DYNC1I1: variants seen among roughly 807,000 people sequenced by gnomAD.
DYNC1I1 encodes cytoplasmic dynein 1 intermediate chain 1.
A neutral mutation model predicts 86.6 loss-of-function variants in DYNC1I1; 43 were observed. The ratio of observed to expected loss-of-function variants is 0.50; its 90% confidence interval spans 0.39 to 0.64. The LOEUF (loss-of-function observed/expected upper bound fraction) is 0.64, where lower values mean the gene tolerates loss of function less well. DYNC1I1 is among the 30% of genes least tolerant of loss of function. DYNC1I1 has a pLI of 0.00. For synonymous variants in DYNC1I1, 262 were observed against 283.7 expected, an observed-to-expected ratio of 0.92 and a Z score of 0.77; for missense variants, 604 against 788.8, an observed-to-expected ratio of 0.77 and a Z score of 2.81.
intron 2 of DYNC1I1, among the ~76,000 whole-genome samples, chr7:95,805,693 A>G (rs1046245942): frequency 3.6e-4 from 55 of 152,322 alleles, no homozygotes; most frequent in African/African-American, 1.3e-3. Context: ...GTGTAGGAAT[A>G]GCCCACATCT....
intron 16 of DYNC1I1, among the ~76,000 whole-genome samples, chr7:96,090,846 A>G (rs1007279416): frequency 1.3e-5 from 2 of 152,166 alleles, no homozygotes; most frequent in Non-Finnish European, 2.9e-5. Context: ...GTGGTAGAAC[A>G]CTGTAGTATA....
At chr7:95,836,821 G>T (rs1789107552) in intron 5 of DYNC1I1, among the ~76,000 whole-genome samples, 1 of 152,044 alleles carries the variant, frequency 6.6e-6, no homozygotes, top group African/African-American at 2.4e-5. Context: ...AGCTCCATCA[G>T]CTCCTTTCAG....
At chr7:95,793,722 G>A (rs1424853479) in intron 1 of DYNC1I1, among the ~76,000 whole-genome samples, 1 of 152,202 alleles carries the variant, frequency 6.6e-6, no homozygotes, top group Non-Finnish European at 1.5e-5. Flanking sequence ...TGGGTTATGA[G>A]CTAATGGTCC....
chr7:96,028,282 T>C lies in DYNC1I1; in HGVS notation c.1077T>C (p.Thr359=). The C allele has an allele frequency of 6.2e-7, 1 of 1,613,776 alleles. No individual in the cohort carries two copies. ...GGGACAATCGCAGTCATCGAAGGAC[T>C]CCAGTGCAGCGGACACCCTTATCAG... is the stretch of plus-strand genomic sequence containing the variant. The part of the protein sequence containing the change: ...VLWDNRSHRR[T]PVQRTPLSAA... Residue 359 remains threonine (T), a synonymous_variant, in exon 11 of 17, where the codon ACT becomes ACC. Transcript: ENST00000447467.
chr7:95,977,453 A>C, intron 6 of DYNC1I1, 59 bp from the exon 7 acceptor site: 1 of 1,553,742 alleles, frequency 6.4e-7, no homozygotes. Context: ...CCCACTATCA[A>C]CCAAAGACTT....
intron 6 of DYNC1I1, among the ~76,000 whole-genome samples, chr7:95,883,410 C>T (rs764357824): frequency 6.6e-6 from 1 of 152,146 alleles, no homozygotes; most frequent in Non-Finnish European, 1.5e-5. Flanking sequence ...GAGCTGCCTC[C>T]AGTTAGTATG....
chr7:96,084,585 G>A (rs42072), intron 16 of DYNC1I1, among the ~76,000 whole-genome samples: 133,663 of 151,780 alleles, frequency 0.88, 59,024 homozygotes, highest in East Asian at 0.98. Context: ...ACAACACCCA[G>A]CAAATTTTTG....
chr7:95,959,192 G>A (rs1487523363), intron 6 of DYNC1I1, among the ~76,000 whole-genome samples: 1 of 152,164 alleles, frequency 6.6e-6, no homozygotes, highest in Non-Finnish European at 1.5e-5. Context: ...AAGGCGTCAT[G>A]TGGGGCTGGG....
At chr7:96,037,302 A>G (rs1794948364) in intron 13 of DYNC1I1, among the ~76,000 whole-genome samples, 1 of 152,228 alleles carries the variant, frequency 6.6e-6, no homozygotes, top group African/African-American at 2.4e-5. Flanking sequence ...TGATAAAGTT[A>G]TTCATTCATA....
intron 6 of DYNC1I1, among the ~76,000 whole-genome samples, chr7:95,944,574 T>G (rs559690992): frequency 1.3e-5 from 2 of 152,096 alleles, no homozygotes; most frequent in East Asian, 1.9e-4. Flanking sequence ...CACATGCACA[T>G]GTATGTTTAT....
chr7:95,977,067 C>T (rs578174587), intron 6 of DYNC1I1, among the ~76,000 whole-genome samples: 1 of 152,184 alleles, frequency 6.6e-6, no homozygotes, highest in Non-Finnish European at 1.5e-5. Flanking sequence ...TGTATTTAAC[C>T]CTTTCCTGTA....
chr7:95,865,796 T>C (rs1246593431), intron 5 of DYNC1I1, among the ~76,000 whole-genome samples: 1 of 152,202 alleles, frequency 6.6e-6, no homozygotes, highest in African/African-American at 2.4e-5. Context: ...CCTAGACGTA[T>C]AGTAGGCCAT....
At chr7:96,035,563 C>T in intron 12 of DYNC1I1, 56 bp from the exon 13 acceptor site, 1 of 1,514,514 alleles carries the variant, frequency 6.6e-7, no homozygotes, top group African/African-American at 1.4e-5. Flanking sequence ...TCCGTGCTAT[C>T]TTTGGCATGG....
At chr7:95,960,356 C>G (rs1302969487) in intron 6 of DYNC1I1, among the ~76,000 whole-genome samples, 1 of 152,132 alleles carries the variant, frequency 6.6e-6, no homozygotes, top group Non-Finnish European at 1.5e-5. Flanking sequence ...ATCCACCTGC[C>G]TCAGCCTCCC....
At chr7:95,885,622 G>A (rs1790573529) in intron 6 of DYNC1I1, among the ~76,000 whole-genome samples, 1 of 152,126 alleles carries the variant, frequency 6.6e-6, no homozygotes, top group Non-Finnish European at 1.5e-5. Context: ...GAGGAAACAG[G>A]TGCATGCCAC....
intron 14 of DYNC1I1, among the ~76,000 whole-genome samples, chr7:96,047,563 AC>A: frequency 6.6e-6 from 1 of 152,284 alleles, no homozygotes; most frequent in East Asian, 1.9e-4. Context: ...CTCAGTGAGA[AC>A]ACTTTTAGTG....
chr7:95,953,470 A>G (rs950708986), intron 6 of DYNC1I1, among the ~76,000 whole-genome samples: 4 of 152,156 alleles, frequency 2.6e-5, no homozygotes, highest in Admixed American at 6.5e-5. Context: ...CCACCTGGTT[A>G]TGGTTAGTTC....
At chr7:95,835,621 G>T (rs1789062563) in intron 5 of DYNC1I1, among the ~76,000 whole-genome samples, 3 of 151,994 alleles carry the variant, frequency 2.0e-5, no homozygotes, top group Admixed American at 2.0e-4. Flanking sequence ...CTCTTTGTAG[G>T]TCACTCAGGA....
intron 16 of DYNC1I1, among the ~76,000 whole-genome samples, chr7:96,107,421 A>G (rs1442554910): frequency 6.6e-6 from 1 of 152,064 alleles, no homozygotes; most frequent in Non-Finnish European, 1.5e-5. Context: ...TTATTATGAA[A>G]TCACCCTCTG....
Sources: gnomAD v4.1 joint callset for allele counts (sites outside exome capture counted in the v4.1 genomes callset) on GRCh38, gnomAD v4.1.1 for gene constraint, MANE v1.5 for transcripts, NCBI Gene and HGNC (gene_info 2026-07-23, HGNC 2026-07-21) for gene names.